The following NDUFAF2 variants were observed in gnomAD, a reference collection of about 807,000 sequenced individuals.
NDUFAF2 encodes NADH dehydrogenase [ubiquinone] 1 alpha subcomplex assembly factor 2.
NDUFAF2 carries 13 observed loss-of-function variants against 22.8 expected under a neutral mutation model. The ratio of observed to expected loss-of-function variants is 0.57; its 90% CI spans 0.37 to 0.91. The LOEUF (loss-of-function observed/expected upper bound fraction) is 0.91, where lower values mean the gene tolerates loss of function less well. Ranked by LOEUF, NDUFAF2 falls within the 40% of genes least tolerant of loss-of-function variation. The pLI, the probability that NDUFAF2 is intolerant of heterozygous loss-of-function variation, is 0.01. For missense variants in NDUFAF2, 162 were observed against 195.2 expected (o/e 0.83, Z 1.01); for synonymous variants, 53 against 64.2 (o/e 0.83, Z 0.84).
At chr5:61,070,805 T>A (rs890503323) in intron 1 of NDUFAF2, among the ~76,000 whole-genome samples, 4 of 152,154 alleles carry the variant, frequency 2.6e-5, no homozygotes, top group Admixed American at 1.3e-4. Context: ...GTCTATCCTC[T>A]CCCCATGTGC....
At chr5:61,023,543 G>T (rs1233570863) in intron 1 of NDUFAF2, among the ~76,000 whole-genome samples, 3 of 152,068 alleles carry the variant, frequency 2.0e-5, no homozygotes, top group Non-Finnish European at 4.4e-5. Context: ...GAGTATCTTT[G>T]TGGGACTATT....
intron 1 of NDUFAF2, among the ~76,000 whole-genome samples, chr5:60,963,869 G>A (rs1750721646): frequency 6.6e-6 from 1 of 152,156 alleles, no homozygotes; most frequent in African/African-American, 2.4e-5. Flanking sequence ...TTGAGAAGGT[G>A]ATATTTGAAC....
At chr5:61,143,020 A>G (rs1735728043) in intron 3 of NDUFAF2, among the ~76,000 whole-genome samples, 1 of 152,230 alleles carries the variant, frequency 6.6e-6, no homozygotes, top group Non-Finnish European at 1.5e-5. Context: ...ACATCACTAT[A>G]GCATTTGCTA....
chr5:60,982,577 G>A (rs1751000345), intron 1 of NDUFAF2, among the ~76,000 whole-genome samples: 1 of 123,236 alleles, frequency 8.1e-6, no homozygotes, highest in Non-Finnish European at 1.6e-5. Flanking sequence ...AGGCCCTGGT[G>A]TGTGATGTTC....
At chr5:60,953,948 A>G (rs1173917613) in intron 1 of NDUFAF2, among the ~76,000 whole-genome samples, 2 of 152,162 alleles carry the variant, frequency 1.3e-5, no homozygotes, top group Non-Finnish European at 2.9e-5. Context: ...GACAACAACC[A>G]AAGGAATTTC....
At chr5:61,152,386 A>G (rs1180870747) in intron 3 of NDUFAF2, among the ~76,000 whole-genome samples, 1 of 152,008 alleles carries the variant, frequency 6.6e-6, no homozygotes, top group Non-Finnish European at 1.5e-5. Flanking sequence ...AAGCTTAGGA[A>G]ATCTTTCATA....
intron 3 of NDUFAF2, among the ~76,000 whole-genome samples, chr5:61,138,865 C>T (rs990535901): frequency 3.3e-5 from 5 of 152,108 alleles, no homozygotes; most frequent in African/African-American, 1.2e-4. Flanking sequence ...TAAGTTAGCC[C>T]TCTGAGCCTA....
intron 3 of NDUFAF2, among the ~76,000 whole-genome samples, chr5:61,145,025 T>C (rs1291698820): frequency 6.6e-6 from 1 of 152,248 alleles, no homozygotes; most frequent in African/African-American, 2.4e-5. Flanking sequence ...GCAGAATAAC[T>C]ACTTATTATA....
intron 1 of NDUFAF2, among the ~76,000 whole-genome samples, chr5:61,058,125 C>A (rs1752121240): frequency 1.3e-5 from 2 of 151,964 alleles, no homozygotes; most frequent in Admixed American, 6.6e-5. Context: ...TCTATGAAAC[C>A]ATTTGGGTCT....
chr5:60,976,589 C>T (rs1390747733), intron 1 of NDUFAF2, among the ~76,000 whole-genome samples: 1 of 152,136 alleles, frequency 6.6e-6, no homozygotes, highest in Non-Finnish European at 1.5e-5. Context: ...GTCTCTTAAG[C>T]AGTAGAATAA....
intron 1 of NDUFAF2, among the ~76,000 whole-genome samples, chr5:60,948,406 G>A (rs1187725811): frequency 6.6e-6 from 1 of 152,088 alleles, no homozygotes; most frequent in Non-Finnish European, 1.5e-5. Context: ...TAGAGACGGG[G>A]TTTCACCATG....
chr5:61,001,502 C>A (rs1054487140), intron 1 of NDUFAF2, among the ~76,000 whole-genome samples: 1 of 152,048 alleles, frequency 6.6e-6, no homozygotes, highest in Admixed American at 6.6e-5. Context: ...AAAGTATTTT[C>A]CCCACCTATG....
At chr5:61,031,971 G>C (rs1751733320) in intron 1 of NDUFAF2, among the ~76,000 whole-genome samples, 1 of 152,178 alleles carries the variant, frequency 6.6e-6, no homozygotes, top group Non-Finnish European at 1.5e-5. Flanking sequence ...TTTCTCTAAT[G>C]ACCAGTGATG....
chr5:61,074,397 G>A (rs1752340234), intron 2 of NDUFAF2, among the ~76,000 whole-genome samples: 1 of 152,130 alleles, frequency 6.6e-6, no homozygotes, highest in Admixed American at 6.5e-5. Context: ...GATCATCCTG[G>A]CCAACATGGT....
intron 1 of NDUFAF2, among the ~76,000 whole-genome samples, chr5:60,976,215 T>C (rs1750900486): frequency 6.6e-6 from 1 of 152,208 alleles, no homozygotes; most frequent in East Asian, 1.9e-4. Context: ...TAGATGTAAA[T>C]TTTTAAAAAA....
At chr5:61,070,312 T>C (rs551184251) in intron 1 of NDUFAF2, among the ~76,000 whole-genome samples, 5 of 152,140 alleles carry the variant, frequency 3.3e-5, no homozygotes, top group Non-Finnish European at 7.4e-5. Context: ...AGTTTGTGCA[T>C]AATTCCTTAC....
At chr5:60,998,813 TTTA>T (rs143860278) in intron 1 of NDUFAF2, among the ~76,000 whole-genome samples, 60,269 of 151,532 alleles carry the variant, frequency 0.4, 12,857 homozygotes, top group East Asian at 0.8. Context: ...AACTTTTAAA[TTTA>T]TTTTTTGGCT....
chr5:61,113,056 C>T (rs1444844996), intron 3 of NDUFAF2, among the ~76,000 whole-genome samples: 1 of 151,950 alleles, frequency 6.6e-6, no homozygotes, highest in Non-Finnish European at 1.5e-5. Flanking sequence ...TAACATGTCC[C>T]CTCTGTTTCT....
At chr5:61,016,577 T>G (rs139554795) in intron 1 of NDUFAF2, among the ~76,000 whole-genome samples, 2 of 152,332 alleles carry the variant, frequency 1.3e-5, no homozygotes, top group African/African-American at 4.8e-5. Flanking sequence ...TCTACCACAC[T>G]AATATATTGT....
Sources: allele counts gnomAD v4.1 joint callset (sites outside exome capture counted in the v4.1 genomes callset), GRCh38; gene constraint gnomAD v4.1.1; transcripts MANE v1.5; gene names NCBI Gene and HGNC (gene_info 2026-07-23, HGNC 2026-07-21).